SNX7: variants seen among roughly 807,000 people sequenced by gnomAD.
The protein encoded by SNX7 is sorting nexin-7.
A neutral mutation model predicts 48.4 loss-of-function variants in SNX7; 35 were observed. That is an observed-to-expected ratio of 0.72 (90% CI 0.55 to 0.96). The LOEUF (loss-of-function observed/expected upper bound fraction) is 0.96, where lower values mean the gene tolerates loss of function less well. SNX7 is among the 40% of genes least tolerant of loss of function. The pLI is 0.00. For synonymous variants in SNX7, 190 were observed against 190.2 expected, an observed-to-expected ratio of 1.00 and a Z score of 0.01; for missense variants, 553 against 548.9, an observed-to-expected ratio of 1.01 and a Z score of -0.07.
Position 98,709,152 on chromosome 1 carries a change from A to G in SNX7, c.1125+7249A>G, listed in dbSNP as rs144179074. On this transcript the variant is annotated intron_variant, in intron 7 of 8. Coordinates refer to ENST00000306121, the MANE Select transcript of SNX7 (RefSeq NM_015976.5). ...AATGCCTTCCGTAGAGTGTTGTTAA[A>G]TGAGCATATTGAAACCTTAGCCCAG... Among the ~76,000 whole-genome samples, 1,182 of 152,352 alleles carry G rather than the reference A, an allele frequency of 7.8e-3. 8 individuals carry two copies. Among genetic ancestry groups the G allele is most frequent in the Middle Eastern group, 0.014 (4 of 294 alleles).
At chr1:98,742,983 A>G (rs555776668) in intron 8 of SNX7, among the ~76,000 whole-genome samples, 1 of 152,028 alleles carries the variant, frequency 6.6e-6, no homozygotes, top group South Asian at 2.1e-4. Flanking sequence ...AGCTTAGATA[A>G]TAATAGTTAA....
chr1:98,759,028 T>G (rs922879547), intron 8 of SNX7, among the ~76,000 whole-genome samples: 1 of 151,998 alleles, frequency 6.6e-6, no homozygotes, highest in South Asian at 2.1e-4. Flanking sequence ...GTTTTTACAG[T>G]GTTTGAGAAA....
At chr1:98,718,052 T>C (rs114117284) in intron 7 of SNX7, among the ~76,000 whole-genome samples, 1,693 of 152,240 alleles carry the variant, frequency 0.011, 15 homozygotes, top group Middle Eastern at 0.02. Context: ...GAAAGGGGCA[T>C]GCACATAGGT....
At chr1:98,675,201 G>A (rs899924485) in intron 1 of SNX7, among the ~76,000 whole-genome samples, 10 of 152,076 alleles carry the variant, frequency 6.6e-5, no homozygotes, top group Non-Finnish European at 8.8e-5. Flanking sequence ...TTGGTTAATT[G>A]CTACTTTGGA....
At chr1:98,716,235 C>T (rs1442810554) in intron 7 of SNX7, among the ~76,000 whole-genome samples, 2 of 152,182 alleles carry the variant, frequency 1.3e-5, no homozygotes, top group Non-Finnish European at 2.9e-5. Flanking sequence ...CTCTTTAACA[C>T]ACTTCTGTTT....
intron 8 of SNX7, among the ~76,000 whole-genome samples, chr1:98,743,229 G>A (rs1027015753): frequency 1.3e-5 from 2 of 151,966 alleles, no homozygotes; most frequent in Admixed American, 1.3e-4. Flanking sequence ...GTGGCATGGG[G>A]AGAGGTGATC....
rs371219132 is a variant in SNX7 at position 98,685,048 on chromosome 1, C to G, written c.344C>G (p.Thr115Arg). ...GTTACTACAATAGAAACTTTCATTA[C>G]GTATAGGATTATTACTAAGGTAAAC... ...SHVTTIETFI[T>R]YRIITKTSRG... Residue 115 changes from threonine (T) to arginine (R), a missense_variant, in exon 2 of 9, where the codon ACG (threonine) becomes AGG (arginine). By Grantham distance (71) the Thr-to-Arg change is moderately conservative. Transcript: ENST00000306121. The G allele has an allele frequency of 8.8e-5, 135 of 1,534,604 alleles. No homozygotes were observed. Among genetic ancestry groups the G allele is most frequent in the Non-Finnish European group, 1.1e-4 (127 of 1,135,152 alleles).
chr1:98,752,522 A>G (rs1174492707), intron 8 of SNX7, among the ~76,000 whole-genome samples: 1 of 152,064 alleles, frequency 6.6e-6, no homozygotes, highest in Non-Finnish European at 1.5e-5. Flanking sequence ...CATATTGGTC[A>G]GCAACATGAA....
chr1:98,688,575 A>G (rs1650935090), intron 2 of SNX7, among the ~76,000 whole-genome samples: 1 of 152,162 alleles, frequency 6.6e-6, no homozygotes, highest in African/African-American at 2.4e-5. Flanking sequence ...TTTTCCCTCA[A>G]AAAAAGTTTT....
At position 98,760,112 on chromosome 1, in the gene SNX7, C is replaced by G. The variant is rs779694977; in HGVS notation, c.1337C>G (p.Ala446Gly). The G allele has an allele frequency of 3.7e-6, 6 of 1,608,954 alleles. No individual in the cohort carries two copies. In the South Asian group the frequency reaches 5.5e-5, roughly 15 times the overall value. Residue 446 changes from alanine (A) to glycine (G), a missense_variant, in exon 9 of 9, where the codon GCC (alanine) becomes GGC (glycine). By Grantham distance (60) the Ala-to-Gly change is moderately conservative (BLOSUM62 0). Coordinates refer to ENST00000306121, the MANE Select transcript of SNX7 (RefSeq NM_015976.5). Reference sequence around the variant, plus strand: ...CAGACCAACCTTCACTTGGAAGAAGCCTCTGAAGATAAACCTTAATCCCAT... The same window carrying G: ...CAGACCAACCTTCACTTGGAAGAAGGCTCTGAAGATAAACCTTAATCCCAT... ...TSQTNLHLEEASEDKP is the reference protein window; with the variant it reads ...TSQTNLHLEEGSEDKP
chr1:98,714,762 G>C (rs1367493750), intron 7 of SNX7, among the ~76,000 whole-genome samples: 1 of 152,130 alleles, frequency 6.6e-6, no homozygotes, highest in Non-Finnish European at 1.5e-5. Context: ...GAATATGAAG[G>C]ACAGAGGCGC....
intron 7 of SNX7, among the ~76,000 whole-genome samples, chr1:98,719,378 C>A (rs1652749067): frequency 6.6e-6 from 1 of 152,116 alleles, no homozygotes; most frequent in Non-Finnish European, 1.5e-5. Flanking sequence ...GGGGAGATAT[C>A]AAACCGTTGA....
At chr1:98,691,741 T>A in intron 4 of SNX7, 42 bp downstream of exon 4, 1 of 1,471,454 alleles carries the variant, frequency 6.8e-7, no homozygotes, top group Non-Finnish European at 9.2e-7. Flanking sequence ...TTTGGGTGTC[T>A]GTATCTATAG....
At chr1:98,694,171 C>T (rs1651303492) in intron 4 of SNX7, among the ~76,000 whole-genome samples, 1 of 151,422 alleles carries the variant, frequency 6.6e-6, no homozygotes, top group South Asian at 2.1e-4. Flanking sequence ...GAGATCGAGA[C>T]CATCTTGGCT....
In SNX7 at chr1:98,760,065, G is replaced by T. The variant is rs781296727; in HGVS notation, c.1290G>T (p.Thr430=). The T allele has an allele frequency of 6.2e-7, 1 of 1,600,926 alleles. No individual in the cohort carries two copies. Among genetic ancestry groups the T allele is most frequent in the Admixed American group, 1.7e-5 (1 of 59,868 alleles). ...NIHYYEQCLA[T]WESFLTSQTN... ...TTTCCATTATTCAGTGCCTTGCTAC[G>T]TGGGAGTCATTCCTTACATCACAGA... The change falls in exon 9 of 9, where the codon ACG becomes ACT. Residue 430 remains threonine (T), a synonymous_variant. Coordinates refer to ENST00000306121, the MANE Select transcript of SNX7 (RefSeq NM_015976.5).
rs185789530 is a variant in SNX7, at chr1:98,746,159, T to C, written c.1278+7770T>C. 6.5e-4 allele frequency among the ~76,000 whole-genome samples: 99 copies of C among 152,148 alleles called. No individual in the cohort carries two copies. The Middle Eastern group carries it at 0.01, about 16-fold the overall frequency. Reference sequence around the variant, plus strand: ...ACACATTATTACCAGGAAATTTGGATAAGTGAAGAAGCAAGAATTGTAAGC... The same window carrying C: ...ACACATTATTACCAGGAAATTTGGACAAGTGAAGAAGCAAGAATTGTAAGC... On this transcript the variant is annotated intron_variant, in intron 8 of 8. Coordinates refer to ENST00000306121, the MANE Select transcript of SNX7 (RefSeq NM_015976.5).
intron 5 of SNX7, among the ~76,000 whole-genome samples, chr1:98,696,435 A>G (rs1034987727): frequency 3.1e-4 from 47 of 152,066 alleles, no homozygotes; most frequent in African/African-American, 1.1e-3. Context: ...GAAATATCTT[A>G]TTTCTAGTAT....
At chr1:98,678,736 A>G (rs1650313395) in intron 1 of SNX7, among the ~76,000 whole-genome samples, 2 of 152,230 alleles carry the variant, frequency 1.3e-5, no homozygotes, top group South Asian at 4.1e-4. Flanking sequence ...AATGAATTAT[A>G]TCCACTGAAT....
chr1:98,687,790 G>A (rs921276644), intron 2 of SNX7, among the ~76,000 whole-genome samples: 4 of 152,010 alleles, frequency 2.6e-5, no homozygotes, highest in Non-Finnish European at 5.9e-5. Flanking sequence ...TGGAGTAGGG[G>A]GCTCACAATC....
Sources: gnomAD v4.1 joint callset for allele counts (sites outside exome capture counted in the v4.1 genomes callset) on GRCh38, gnomAD v4.1.1 for gene constraint, MANE v1.5 for transcripts, NCBI Gene and HGNC (gene_info 2026-07-23, HGNC 2026-07-21) for gene names.